Variants in ESF1 observed in about 807,000 individuals in gnomAD.
ESF1 encodes ESF1 homolog.
A neutral mutation model predicts 92.0 loss-of-function variants in ESF1; 58 were observed. The observed-to-expected ratio is 0.63, with a 90% CI of 0.51 to 0.78. The LOEUF is 0.78. ESF1 is among the 30% of genes least tolerant of loss of function. The probability of loss-of-function intolerance (pLI) is 0.00; values close to 1 mark genes in which losing one functional copy is unlikely to be tolerated. For synonymous variants in ESF1, 321 were observed against 313.7 expected (o/e 1.02, Z -0.24); for missense variants, 922 against 989.1 (o/e 0.93, Z 0.91).
chr20:13,744,248 C>CTA (rs1470891306), intron 9 of ESF1, among the ~76,000 whole-genome samples: 6 of 152,086 alleles, frequency 3.9e-5, no homozygotes, highest in African/African-American at 1.4e-4. Context: ...TCAAAAGACA[C>CTA]TATAAAGAAA....
intron 11 of ESF1, among the ~76,000 whole-genome samples, chr20:13,721,431 T>A (rs2049867365): frequency 6.6e-6 from 1 of 152,114 alleles, no homozygotes; most frequent in Admixed American, 6.5e-5. Context: ...GGTTGGAGAC[T>A]GAATGAGGGG....
rs1447347131 is a variant in ESF1, at chr20:13,733,703, C to A, written c.1950+18G>T. ...GGTTGGTATTCAACAAACATTTGGT[C>A]ATAATTATCAATGATACCTTCTGTT... On this transcript the variant is annotated intron_variant, in intron 10 of 13. Coordinates refer to ENST00000617257, the MANE Select transcript of ESF1 (RefSeq NM_001276380.2). 3.1e-6 allele frequency: 5 copies of A among 1,606,652 alleles called. No individual in the cohort carries two copies. Among genetic ancestry groups the A allele is most frequent in the South Asian group, 2.2e-5 (2 of 89,744 alleles).
chr20:13,721,076 T>C (rs1405448949), intron 11 of ESF1, among the ~76,000 whole-genome samples: 1 of 152,166 alleles, frequency 6.6e-6, no homozygotes, highest in Non-Finnish European at 1.5e-5. Flanking sequence ...TGAGCAGAGA[T>C]TGTGCCACTG....
intron 9 of ESF1, among the ~76,000 whole-genome samples, chr20:13,750,685 A>G (rs150466613): frequency 6.6e-6 from 1 of 152,322 alleles, no homozygotes; most frequent in East Asian, 1.9e-4. Flanking sequence ...AATTAATACA[A>G]TCCTTTCAAA....
At chr20:13,742,137 C>T (rs776793437) in intron 9 of ESF1, among the ~76,000 whole-genome samples, 13 of 152,056 alleles carry the variant, frequency 8.5e-5, no homozygotes, top group Non-Finnish European at 1.5e-4. Context: ...GAGGCCAATA[C>T]GGGTGGATTA....
At position 13,759,733 on chromosome 20, in the gene ESF1, CCTTT is replaced by C. The variant is rs749499490; in HGVS notation, c.1783_1786del (p.Lys595AlafsTer34). 3.2e-6 allele frequency: 5 copies of C among 1,570,866 alleles called. No individual in the cohort carries two copies. The highest frequency in any genetic ancestry group is 4.3e-6 in the Non-Finnish European group (5 of 1,168,142). On this transcript the variant is annotated frameshift_variant, in exon 9 of 14. Coordinates refer to ENST00000617257, the MANE Select transcript of ESF1 (RefSeq NM_001276380.2). LOFTEE classifies it high-confidence loss of function. ...TTCCATTTCCATATCATTTTCTTTG[CCTTT>C]CTTTTCTTTTTCTTGAATAACCTGC...
intron 9 of ESF1, among the ~76,000 whole-genome samples, chr20:13,736,863 G>C (rs1174028561): frequency 6.7e-6 from 1 of 149,996 alleles, no homozygotes; most frequent in Non-Finnish European, 1.5e-5. Flanking sequence ...ATTTTTTTTT[G>C]CCTGGCTCTC....
chr20:13,761,807 C>T (rs1022539992), intron 8 of ESF1, among the ~76,000 whole-genome samples: 1 of 152,138 alleles, frequency 6.6e-6, no homozygotes, highest in African/African-American at 2.4e-5. Context: ...AACTAATACA[C>T]CAAAAAGTTT....
rs555169451 is a variant in ESF1 at position 13,752,177 on chromosome 20, A to G, written c.1828+7515T>C. Among the ~76,000 whole-genome samples, 5 of 152,294 alleles carry G rather than the reference A, an allele frequency of 3.3e-5. No homozygotes were observed. The South Asian group carries it at 1.0e-3, about 32-fold the overall frequency. ...CTCATTTTTATTACACATTTCAAAC[A>G]TGACTCCAATCTTTTTGCACAGTAT... On this transcript the variant is annotated intron_variant, in intron 9 of 13. Transcript: ENST00000617257.
At chr20:13,777,261 C>T (rs530226095) in intron 2 of ESF1, among the ~76,000 whole-genome samples, 40 of 152,200 alleles carry the variant, frequency 2.6e-4, no homozygotes, top group African/African-American at 4.8e-4. Flanking sequence ...CAATAATTAC[C>T]GACTGGAGAT....
At chr20:13,732,203 T>C (rs1461084141) in intron 10 of ESF1, among the ~76,000 whole-genome samples, 1 of 152,112 alleles carries the variant, frequency 6.6e-6, no homozygotes, top group Non-Finnish European at 1.5e-5. Flanking sequence ...TGACACTATC[T>C]CCAGGTAGTG....
At chr20:13,739,463 T>G (rs754408795) in intron 9 of ESF1, among the ~76,000 whole-genome samples, 1 of 152,200 alleles carries the variant, frequency 6.6e-6, no homozygotes, top group Non-Finnish European at 1.5e-5. Flanking sequence ...ACTTTATTTG[T>G]ATGTTTTCTT....
Position 13,779,237 on chromosome 20 carries a change from C to A in ESF1, c.638-2967G>T, listed in dbSNP as rs540081931. Among the ~76,000 whole-genome samples, 8 of 151,902 alleles carry A rather than the reference C, an allele frequency of 5.3e-5. No individual in the cohort carries two copies. The East Asian group carries it at 1.5e-3, about 29-fold the overall frequency. On this transcript the variant is annotated intron_variant, in intron 2 of 13. Transcript: ENST00000617257. ...AAAAAACAAAAAAAAACCAAAAAAA[C>A]TGCTTTACCATTTTCCCCCAATTAT...
intron 13 of ESF1, among the ~76,000 whole-genome samples, chr20:13,717,021 G>GT (rs2049833405): frequency 6.6e-6 from 1 of 151,842 alleles, no homozygotes. Context: ...GTTTCACCGT[G>GT]TTAGCCAGGA....
chr20:13,775,884 G>A lies in ESF1; in HGVS notation c.1024C>T (p.Arg342Cys), dbSNP rs572143127. 27 of 1,605,320 alleles carry A rather than the reference G, an allele frequency of 1.7e-5. No homozygotes were observed. The highest frequency in any genetic ancestry group is 4.5e-5 in the South Asian group (4 of 89,456). The stretch of plus-strand genomic sequence containing the variant: ...ATTCAAAAGGTTACCTCATCAGCAC[G>A]AGGAGCATCTTTATCTAATTCTCTC... Reference protein sequence around the residue: ...AWRELDKDAPRADEITRRLAV... With the variant: ...AWRELDKDAPCADEITRRLAV... The change falls in exon 3 of 14, where the codon CGT becomes TGT. Residue 342 changes from arginine (R) to cysteine (C), a missense_variant. By Grantham distance (180) the Arg-to-Cys change is radical. Coordinates refer to ENST00000617257, the MANE Select transcript of ESF1 (RefSeq NM_001276380.2).
intron 9 of ESF1, among the ~76,000 whole-genome samples, chr20:13,736,824 A>G (rs750554773): frequency 1.6e-4 from 24 of 152,340 alleles, no homozygotes; most frequent in Non-Finnish European, 3.1e-4. Context: ...CAATAAAGAA[A>G]CAGTATCTTC....
intron 10 of ESF1, among the ~76,000 whole-genome samples, chr20:13,728,760 G>A (rs55814427): frequency 0.17 from 25,827 of 151,776 alleles, 2,802 homozygotes; most frequent in Non-Finnish European, 0.24. Context: ...CCAGCTCCTC[G>A]TGAGGCTGAG....
chr20:13,776,551 T>C (rs984610254), intron 2 of ESF1, among the ~76,000 whole-genome samples: 1 of 152,176 alleles, frequency 6.6e-6, no homozygotes, highest in Non-Finnish European at 1.5e-5. Context: ...CATTCAATAC[T>C]TAACAGTGTG....
rs749333125 is a variant in ESF1 at position 13,759,785 on chromosome 20, T to C, written c.1735A>G (p.Ile579Val). The C allele has an allele frequency of 1.3e-6, 2 of 1,593,018 alleles. No individual in the cohort carries two copies. The highest frequency in any genetic ancestry group is 2.3e-5 in the South Asian group (2 of 87,006). The change falls in exon 9 of 14, where the codon ATT (isoleucine) becomes GTT (valine). Residue 579 changes from isoleucine to valine, a missense_variant. By Grantham distance (29) the Ile-to-Val change is conservative. Coordinates refer to ENST00000617257, the MANE Select transcript of ESF1 (RefSeq NM_001276380.2). ...TGCAAGAGCTGCCTGTATTTAGCAA[T>C]TTGTTCTTCATCATCCTTCTGACTT... ...KKSQKDDEEQ[I>V]AKYRQLLQVI...
Sources: allele counts gnomAD v4.1 joint callset (sites outside exome capture counted in the v4.1 genomes callset), GRCh38; gene constraint gnomAD v4.1.1; transcripts MANE v1.5; gene names NCBI Gene and HGNC (gene_info 2026-07-23, HGNC 2026-07-21).